ATXN1: variants seen among roughly 807,000 people sequenced by gnomAD.
The protein encoded by ATXN1 is ataxin 1.
In ATXN1, 8 loss-of-function variants were observed where a neutral mutation model predicts 56.4. The observed-to-expected ratio is 0.14, with a 90% CI of 0.08 to 0.26. The LOEUF (loss-of-function observed/expected upper bound fraction) is 0.26, where lower values mean the gene tolerates loss of function less well. Among genes scored for constraint, ATXN1 ranks in the 10% least tolerant of loss-of-function variants. The pLI, the probability that ATXN1 is intolerant of heterozygous loss-of-function variation, is 1.00. For synonymous variants in ATXN1, 514 were observed against 494.6 expected (o/e 1.04, Z -0.52); for missense variants, 987 against 1,106.5 (o/e 0.89, Z 1.53).
intron 4 of ATXN1, among the ~76,000 whole-genome samples, chr6:16,536,762 G>T (rs1457862768): frequency 6.6e-6 from 1 of 152,156 alleles, no homozygotes; most frequent in Non-Finnish European, 1.5e-5. Context: ...TAGACAAAAG[G>T]CCAATGTTTA....
At chr6:16,511,178 A>G (rs1327021875) in intron 5 of ATXN1, among the ~76,000 whole-genome samples, 1 of 152,104 alleles carries the variant, frequency 6.6e-6, no homozygotes, top group Non-Finnish European at 1.5e-5. Context: ...ATACTCAACT[A>G]CTGTAAAGTG....
At chr6:16,653,539 C>T (rs1175790701) in intron 3 of ATXN1, among the ~76,000 whole-genome samples, 2 of 152,282 alleles carry the variant, frequency 1.3e-5, no homozygotes, top group Middle Eastern at 3.4e-3. Context: ...TAGCACAGTC[C>T]GGTTCCTATC....
At chr6:16,393,889 T>A (rs1024225785) in intron 6 of ATXN1, among the ~76,000 whole-genome samples, 1 of 148,818 alleles carries the variant, frequency 6.7e-6, no homozygotes, top group African/African-American at 2.5e-5. Context: ...CATGGGATTC[T>A]AACATGGAAT....
intron 2 of ATXN1, among the ~76,000 whole-genome samples, chr6:16,723,489 T>C (rs1389567682): frequency 6.6e-6 from 1 of 152,184 alleles, no homozygotes; most frequent in Non-Finnish European, 1.5e-5. Context: ...AAGTACAATC[T>C]TTTATAGATA....
intron 3 of ATXN1, among the ~76,000 whole-genome samples, chr6:16,621,233 C>T (rs1173987041): frequency 1.3e-5 from 2 of 152,210 alleles, no homozygotes; most frequent in Non-Finnish European, 2.9e-5. Context: ...ATCCTTCCTT[C>T]TTGACACCTT....
At chr6:16,517,045 A>G (rs1761196555) in intron 5 of ATXN1, among the ~76,000 whole-genome samples, 1 of 152,256 alleles carries the variant, frequency 6.6e-6, no homozygotes. Context: ...ATTCATTTGC[A>G]TTAACCAATA....
chr6:16,335,358 C>A (rs536479866), intron 6 of ATXN1, among the ~76,000 whole-genome samples: 1 of 152,202 alleles, frequency 6.6e-6, no homozygotes, highest in Non-Finnish European at 1.5e-5. Flanking sequence ...TGGGACCTGG[C>A]ACAACTTTGT....
At chr6:16,534,391 A>G (rs1388247459) in intron 4 of ATXN1, among the ~76,000 whole-genome samples, 1 of 151,540 alleles carries the variant, frequency 6.6e-6, no homozygotes, top group East Asian at 1.9e-4. Flanking sequence ...AAAGACTACT[A>G]GAGGAAAAAA....
In ATXN1 at chr6:16,607,610, C is replaced by T. The variant is rs972989257; in HGVS notation, c.-488-21703G>A. ...TGTTTCCATCTGATAGGTCAAAATA[C>T]ATGAATATGTACCCATCTCTCTAGG... On this transcript the variant is annotated intron_variant, in intron 3 of 7. Transcript: ENST00000436367. Among the ~76,000 whole-genome samples the T allele has an allele frequency of 2.0e-4, 30 of 152,288 alleles. 1 individual carries two copies. Among genetic ancestry groups the T allele is most frequent in the African/African-American group, 7.0e-4 (29 of 41,566 alleles).
chr6:16,484,510 C>T (rs1261313798), intron 6 of ATXN1, among the ~76,000 whole-genome samples: 1 of 152,026 alleles, frequency 6.6e-6, no homozygotes, highest in Non-Finnish European at 1.5e-5. Flanking sequence ...TATGGGGGCT[C>T]GCGACTTGCC....
chr6:16,743,734 G>T (rs1270673483), intron 2 of ATXN1, among the ~76,000 whole-genome samples: 1 of 152,202 alleles, frequency 6.6e-6, no homozygotes, highest in Non-Finnish European at 1.5e-5. Flanking sequence ...TCTAAGCTGA[G>T]ATTTCAAGAA....
intron 6 of ATXN1, among the ~76,000 whole-genome samples, chr6:16,353,981 G>C (rs921976912): frequency 6.6e-6 from 1 of 152,278 alleles, no homozygotes; most frequent in African/African-American, 2.4e-5. Context: ...GCTAGGTTGG[G>C]GAACTACTAC....
At chr6:16,631,687 C>G (rs1264599288) in intron 3 of ATXN1, among the ~76,000 whole-genome samples, 1 of 152,180 alleles carries the variant, frequency 6.6e-6, no homozygotes, top group Non-Finnish European at 1.5e-5. Context: ...TTATTAAAAG[C>G]AGGGTTCTGA....
intron 6 of ATXN1, among the ~76,000 whole-genome samples, chr6:16,388,272 G>A (rs1045425667): frequency 6.6e-6 from 1 of 152,220 alleles, no homozygotes; most frequent in Admixed American, 6.5e-5. Context: ...ATGATGAACA[G>A]CTTATTATGT....
chr6:16,352,558 G>A (rs989723779), intron 6 of ATXN1, among the ~76,000 whole-genome samples: 6 of 152,234 alleles, frequency 3.9e-5, no homozygotes, highest in African/African-American at 1.4e-4. Context: ...TGGGCTGGAT[G>A]GAAGGAAATG....
At chr6:16,354,209 A>G (rs1228695098) in intron 6 of ATXN1, among the ~76,000 whole-genome samples, 1 of 152,128 alleles carries the variant, frequency 6.6e-6, no homozygotes, top group Non-Finnish European at 1.5e-5. Context: ...TACCTCCCTA[A>G]AACAGTGCCC....
At chr6:16,672,016 T>C (rs1364651558) in intron 2 of ATXN1, among the ~76,000 whole-genome samples, 1 of 152,230 alleles carries the variant, frequency 6.6e-6, no homozygotes, top group East Asian at 1.9e-4. Context: ...GGACCTTTTA[T>C]GTTAAATGAA....
At position 16,328,385 on chromosome 6, in the gene ATXN1, T is replaced by C. The variant is rs1760900159; in HGVS notation, c.-75A>G. 7.0e-7 allele frequency: 1 copy of C among 1,422,202 alleles called. No individual in the cohort carries two copies. Among genetic ancestry groups the C allele is most frequent in the Admixed American group, 2.7e-5 (1 of 36,770 alleles). 88.1% of individuals were successfully genotyped at this position (1,422,202 alleles called of 1,614,324 possible). A position where few individuals can be genotyped will look rare whatever the true frequency, so the allele number is the denominator to read the frequency against. On this transcript the variant is annotated 5_prime_UTR_variant, in exon 7 of 8. The change abolishes the stop of an existing upstream ORF in the 5' untranslated region. Transcript: ENST00000436367. This position sits in a 1 kb window ranked among gnomAD's most constrained non-coding sequence, Gnocchi z 6.2. ...TGATTTTAGTCTGATAAACGGAAAG[T>C]CACATTTGATTTCTGTAGGGGATCC...
intron 6 of ATXN1, among the ~76,000 whole-genome samples, chr6:16,366,228 T>C (rs538174059): frequency 2.0e-5 from 3 of 152,258 alleles, no homozygotes; most frequent in East Asian, 3.9e-4. Context: ...TCTAATACTA[T>C]CTCCACCTTC....
Sources: gnomAD v4.1 joint callset for allele counts (sites outside exome capture counted in the v4.1 genomes callset) on GRCh38, gnomAD v4.1.1 for gene constraint, Gnocchi (gnomAD v3.1) non-coding constraint, MANE v1.5 for transcripts, NCBI Gene and HGNC (gene_info 2026-07-23, HGNC 2026-07-21) for gene names.